The following MITF variants were observed in gnomAD, a reference collection of about 807,000 sequenced individuals.
MITF encodes the protein melanocyte inducing transcription factor.
A neutral mutation model predicts 60.5 loss-of-function variants in MITF; 17 were observed. That is an observed-to-expected ratio of 0.28 (90% CI 0.19 to 0.42). The LOEUF is 0.42. MITF is among the 10% of genes least tolerant of loss of function. The probability of loss-of-function intolerance (pLI) is 1.00; values close to 1 mark genes in which losing one functional copy is unlikely to be tolerated. For synonymous variants in MITF, 260 were observed against 248.5 expected (o/e 1.05, Z -0.43); for missense variants, 622 against 683.5 (o/e 0.91, Z 1.00).
intron 9 of MITF, among the ~76,000 whole-genome samples, chr3:69,961,306 C>CGGGAGGCAGAGGTTGCA (rs1338182265): frequency 6.6e-6 from 1 of 150,518 alleles, no homozygotes; most frequent in African/African-American, 2.4e-5. Context: ...CACTTGAACC[C>CGGGAGGCAGAGGTTGCA]GGGAGGCAGA....
At chr3:69,772,444 C>G (rs1180590335) in intron 1 of MITF, among the ~76,000 whole-genome samples, 1 of 152,158 alleles carries the variant, frequency 6.6e-6, no homozygotes, top group African/African-American at 2.4e-5. Flanking sequence ...CTAAGCAAAC[C>G]ATCCTTTTCT....
intron 1 of MITF, among the ~76,000 whole-genome samples, chr3:69,828,815 C>T (rs1229316069): frequency 6.6e-6 from 1 of 152,058 alleles, no homozygotes; most frequent in Non-Finnish European, 1.5e-5. Flanking sequence ...CATGAACTTG[C>T]TAATTTTATT....
At chr3:69,809,159 C>T (rs2063060543) in intron 1 of MITF, among the ~76,000 whole-genome samples, 1 of 152,030 alleles carries the variant, frequency 6.6e-6, no homozygotes, top group African/African-American at 2.4e-5. Flanking sequence ...AATAATATTA[C>T]AGTTTTGTTG....
intron 1 of MITF, among the ~76,000 whole-genome samples, chr3:69,854,794 C>G (rs2063887748): frequency 6.6e-6 from 1 of 152,182 alleles, no homozygotes. Flanking sequence ...ACTTGTTTCT[C>G]TGTTTGCAAA....
chr3:69,938,782 TACTATGG>T, intron 3 of MITF: 1 of 1,359,510 alleles, frequency 7.4e-7, no homozygotes, highest in Non-Finnish European at 9.5e-7. Flanking sequence ...GGATTTACCG[TACTATGG>T]ACTATGAAGT....
intron 1 of MITF, among the ~76,000 whole-genome samples, chr3:69,740,024 G>T (rs964841274): frequency 6.6e-6 from 1 of 152,170 alleles, no homozygotes; most frequent in African/African-American, 2.4e-5. Flanking sequence ...CGCGATGTGG[G>T]GGAGGAGGAG....
At chr3:69,749,444 A>T (rs1383930020) in intron 1 of MITF, among the ~76,000 whole-genome samples, 2 of 152,214 alleles carry the variant, frequency 1.3e-5, no homozygotes, top group African/African-American at 4.8e-5. Context: ...TAAATTTAGG[A>T]TGCTGGCACC....
intron 2 of MITF, among the ~76,000 whole-genome samples, chr3:69,924,793 C>T (rs2065548725): frequency 1.3e-5 from 2 of 152,256 alleles, no homozygotes; most frequent in South Asian, 4.1e-4. Context: ...TGATCCAGCT[C>T]ATTTGGAAGT....
intron 2 of MITF, among the ~76,000 whole-genome samples, chr3:69,919,080 G>A (rs1168250357): frequency 6.6e-6 from 1 of 152,106 alleles, no homozygotes; most frequent in Non-Finnish European, 1.5e-5. Context: ...AGTGGTAAAG[G>A]TATAACTGCA....
At chr3:69,915,615 A>G (rs1249177224) in intron 2 of MITF, among the ~76,000 whole-genome samples, 5 of 152,170 alleles carry the variant, frequency 3.3e-5, no homozygotes, top group African/African-American at 2.4e-5. Context: ...GCTAGCAACA[A>G]TAAGCAACTT....
intron 2 of MITF, among the ~76,000 whole-genome samples, chr3:69,896,957 C>A (rs2064889409): frequency 6.6e-6 from 1 of 152,020 alleles, no homozygotes; most frequent in South Asian, 2.1e-4. Context: ...AGGGTTATAC[C>A]CAAAAGACTA....
At chr3:69,829,672 GCACACACA>G (rs34482357) in intron 1 of MITF, among the ~76,000 whole-genome samples, 23,357 of 150,658 alleles carry the variant, frequency 0.16, 2,040 homozygotes, top group Non-Finnish European at 0.21. Flanking sequence ...AGGTGTGGAT[GCACACACA>G]CACACACACA....
chr3:69,958,402 A>T (rs1236557290), intron 8 of MITF, among the ~76,000 whole-genome samples: 1 of 152,122 alleles, frequency 6.6e-6, no homozygotes, highest in African/African-American at 2.4e-5. Context: ...TGGGGGCTGG[A>T]ACTGTCCCTC....
chr3:69,896,300 C>T (rs1197108119), intron 2 of MITF, among the ~76,000 whole-genome samples: 1 of 152,202 alleles, frequency 6.6e-6, no homozygotes, highest in African/African-American at 2.4e-5. Flanking sequence ...GGGCTCTGCT[C>T]TCTGGAGAAG....
intron 7 of MITF, among the ~76,000 whole-genome samples, chr3:69,953,196 C>G (rs1262555249): frequency 6.6e-6 from 1 of 152,140 alleles, no homozygotes. Context: ...CCTCCAGCTT[C>G]TAAGTAATTT....
intron 1 of MITF, among the ~76,000 whole-genome samples, chr3:69,752,914 C>T (rs547331425): frequency 2.6e-5 from 4 of 152,288 alleles, no homozygotes; most frequent in Middle Eastern, 3.4e-3. Context: ...CTGAGGCCTC[C>T]CCTGAAGCCT....
chr3:69,831,066 C>G (rs1487092053), intron 1 of MITF, among the ~76,000 whole-genome samples: 1 of 152,128 alleles, frequency 6.6e-6, no homozygotes, highest in African/African-American at 2.4e-5. Flanking sequence ...GATACACAAC[C>G]TTGCAGGGTT....
intron 2 of MITF, among the ~76,000 whole-genome samples, chr3:69,895,279 G>A (rs917528632): frequency 6.6e-6 from 1 of 152,218 alleles, no homozygotes; most frequent in Admixed American, 6.5e-5. Flanking sequence ...TAAGTCACCA[G>A]TTTCTCCTTG....
chr3:69,876,373 G>A (rs1446577100), intron 1 of MITF, among the ~76,000 whole-genome samples: 3 of 152,026 alleles, frequency 2.0e-5, no homozygotes, highest in East Asian at 1.9e-4. Context: ...TAGTAAGGCC[G>A]CTTATTTATT....
Sources: gnomAD v4.1 joint callset for allele counts (sites outside exome capture counted in the v4.1 genomes callset) on GRCh38, gnomAD v4.1.1 for gene constraint, MANE v1.5 for transcripts, NCBI Gene and HGNC (gene_info 2026-07-23, HGNC 2026-07-21) for gene names.